The following JDP2 variants were observed in gnomAD, a reference collection of about 807,000 sequenced individuals.
JDP2 encodes the protein Jun dimerization protein 2.
Under a neutral mutation model 17.1 loss-of-function variants are expected in JDP2, and 9 were observed. That is an observed-to-expected ratio of 0.53 (90% CI 0.32 to 0.92). The LOEUF is 0.92. JDP2 is among the 40% of genes least tolerant of loss of function. The pLI is 0.04. For missense variants in JDP2, 179 were observed against 220.0 expected (o/e 0.81, Z 1.18); for synonymous variants, 107 against 95.6 (o/e 1.12, Z -0.69).
At chr14:75,450,914 C>T (rs914101294) in intron 2 of JDP2, among the ~76,000 whole-genome samples, 2 of 152,186 alleles carry the variant, frequency 1.3e-5, no homozygotes, top group African/African-American at 2.4e-5. Flanking sequence ...CCTCAGCCTA[C>T]AGGGTGTGAA....
chr14:75,429,531 C>G (rs747717167), intron 1 of JDP2, among the ~76,000 whole-genome samples: 5 of 152,156 alleles, frequency 3.3e-5, no homozygotes, highest in African/African-American at 4.8e-5. Flanking sequence ...TCCCTTCCCC[C>G]CAACCTTCCT....
At chr14:75,438,305 A>G (rs1885173217) in intron 2 of JDP2, among the ~76,000 whole-genome samples, 184 bp downstream of exon 2, 1 of 152,142 alleles carries the variant, frequency 6.6e-6, no homozygotes. Context: ...CATCTTAACA[A>G]GATCCCCCAG....
At position 75,460,572 on chromosome 14, in the gene JDP2, G is replaced by GA. The variant is rs141228268; in HGVS notation, c.202-850dup. 4.7e-3 allele frequency among the ~76,000 whole-genome samples: 710 copies of GA among 152,318 alleles called. 7 individuals are homozygous for GA. Among genetic ancestry groups the GA allele is most frequent in the African/African-American group, 0.016 (677 of 41,562 alleles). ...GAAGTGCCTGGGAACCACTGGCCTG[G>GA]AAAATTGTACCCAGAGGGCTTGGGC... On this transcript the variant is annotated intron_variant, in intron 2 of 3. Transcript: ENST00000651602.
chr14:75,432,443 C>A, intron 1 of JDP2: 2 of 1,054,018 alleles, frequency 1.9e-6, no homozygotes, highest in Non-Finnish European at 1.4e-6. Flanking sequence ...CTCTGGCTCC[C>A]AAGGTCCCCC....
At chr14:75,461,745 C>G (rs1479368785) in intron 3 of JDP2, among the ~76,000 whole-genome samples, 1 of 152,194 alleles carries the variant, frequency 6.6e-6, no homozygotes, top group African/African-American at 2.4e-5. Flanking sequence ...TTCCTGCCCA[C>G]ACAACCCCTG....
intron 2 of JDP2, among the ~76,000 whole-genome samples, chr14:75,454,829 G>C (rs1886030656): frequency 6.6e-6 from 1 of 151,968 alleles, no homozygotes; most frequent in Admixed American, 6.6e-5. Flanking sequence ...AGAGGAGGGC[G>C]ATGTAGTGGA....
At position 75,437,884 on chromosome 14, in the gene JDP2, C is replaced by A; in HGVS notation, c.-23-14C>A. 6.4e-7 allele frequency: 1 copy of A among 1,559,970 alleles called. No homozygotes were observed. The highest frequency in any genetic ancestry group is 8.7e-7 in the Non-Finnish European group (1 of 1,150,396). On this transcript the variant is annotated splice_polypyrimidine_tract_variant and intron_variant, in intron 1 of 3. Coordinates refer to ENST00000651602, the MANE Select transcript of JDP2 (RefSeq NM_001135048.2). Reference sequence around the variant, plus strand: ...ACCTGGCTGACTGTCCTGCTCTTTTCCTGCCCACTCCAGGCTGGCCTGCCA... The same window carrying A: ...ACCTGGCTGACTGTCCTGCTCTTTTACTGCCCACTCCAGGCTGGCCTGCCA...
In JDP2 at chr14:75,432,095, C is replaced by G. The variant is rs187953917; in HGVS notation, c.-24+3843C>G. The G allele has an allele frequency of 1.9e-3, 1,084 of 577,658 alleles. 7 individuals are homozygous for G. Among genetic ancestry groups the G allele is most frequent in the African/African-American group, 0.016 (865 of 53,430 alleles). The allele number at this position is 577,658 out of a possible 1,614,324, so 35.8% of individuals were successfully genotyped here. The stretch of plus-strand genomic sequence containing the variant: ...TGGCTCCAAAACCGCCACTCTTAAC[C>G]CCCCCTTCCTCTTGGCCTGCAGAGC... On this transcript the variant is annotated intron_variant, in intron 1 of 3. Coordinates refer to ENST00000651602, the MANE Select transcript of JDP2 (RefSeq NM_001135048.2).
At chr14:75,454,465 G>A (rs3784016) in intron 2 of JDP2, among the ~76,000 whole-genome samples, 9,015 of 152,256 alleles carry the variant, frequency 0.059, 534 homozygotes, top group African/African-American at 0.15. Flanking sequence ...CAAATTAAAT[G>A]TAGTTAATTT....
chr14:75,438,215 C>A, intron 2 of JDP2, 94 bp downstream of exon 2: 1 of 965,560 alleles, frequency 1.0e-6, no homozygotes, highest in South Asian at 1.6e-5. Context: ...GTCTGAGGAC[C>A]AGTATCATCC....
chr14:75,449,119 G>A (rs1045367979), intron 2 of JDP2, among the ~76,000 whole-genome samples: 2 of 152,160 alleles, frequency 1.3e-5, no homozygotes, highest in African/African-American at 4.8e-5. Flanking sequence ...TCTGTGCCTT[G>A]TGCTTGAAAG....
At chr14:75,464,725 A>G (rs899918184) in intron 3 of JDP2, among the ~76,000 whole-genome samples, 1 of 152,184 alleles carries the variant, frequency 6.6e-6, no homozygotes, top group Non-Finnish European at 1.5e-5. Context: ...TCTTAACTGC[A>G]TCTCAGAGTT....
Position 75,469,307 on chromosome 14 carries a change from A to T in JDP2, c.324A>T (p.Glu108Asp). The T allele has an allele frequency of 6.2e-7, 1 of 1,614,068 alleles. No individual in the cohort carries two copies. Among genetic ancestry groups the T allele is most frequent in the Non-Finnish European group, 8.5e-7 (1 of 1,179,968 alleles). ...GTATACAGGAATCCGAGCGGCTGGA[A>T]CTCATGAACGCAGAGCTGAAGACCC... ...EFLQRESERL[E>D]LMNAELKTQI... The change falls in exon 4 of 4, where the codon GAA becomes GAT. Residue 108 changes from glutamate (E) to aspartate (D), a missense_variant. Transcript: ENST00000651602.
intron 1 of JDP2, among the ~76,000 whole-genome samples, chr14:75,433,711 A>G (rs569796297): frequency 6.6e-6 from 1 of 151,956 alleles, no homozygotes; most frequent in Non-Finnish European, 1.5e-5. Flanking sequence ...CTTGCTAGTC[A>G]GTCGCCATCT....
chr14:75,434,523 C>T (rs1884972215), intron 1 of JDP2, among the ~76,000 whole-genome samples: 1 of 152,076 alleles, frequency 6.6e-6, no homozygotes, highest in South Asian at 2.1e-4. Context: ...GATTCACAGG[C>T]GAGCAGAAAT....
intron 2 of JDP2, among the ~76,000 whole-genome samples, chr14:75,450,074 GT>G (rs1264545401): frequency 6.6e-6 from 1 of 152,160 alleles, no homozygotes; most frequent in Non-Finnish European, 1.5e-5. Flanking sequence ...GCAAAAGAAG[GT>G]TTTTACTATG....
At chr14:75,447,789 C>G (rs1215426684) in intron 2 of JDP2, among the ~76,000 whole-genome samples, 2 of 152,128 alleles carry the variant, frequency 1.3e-5, no homozygotes, top group East Asian at 3.9e-4. Flanking sequence ...TCCTGAATAG[C>G]TGGGATTACA....
rs949808838 is a variant in JDP2, at chr14:75,472,073, A to G, written c.*2598A>G. On this transcript the variant is annotated 3_prime_UTR_variant, in exon 4 of 4. Transcript: ENST00000651602. ...CACACCAGTGACTTGTGCTGTGCGG[A>G]GCCTTCCTCACCAGGACCACTGGCT... 1 of 151,950 alleles carries G rather than the reference A, an allele frequency of 6.6e-6. No homozygotes were observed. Among genetic ancestry groups the G allele is most frequent in the Non-Finnish European group, 1.5e-5 (1 of 68,014 alleles). The allele number at this position is 151,950 out of a possible 1,614,324, so 9.4% of individuals were successfully genotyped here. A position where few individuals can be genotyped will look rare whatever the true frequency, so the allele number is the denominator to read the frequency against.
chr14:75,460,628 TG>T (rs1454967931), intron 2 of JDP2, among the ~76,000 whole-genome samples: 1 of 152,210 alleles, frequency 6.6e-6, no homozygotes. Flanking sequence ...CACCGCCCGT[TG>T]GGTGCCACCT....
Sources: allele counts gnomAD v4.1 joint callset (sites outside exome capture counted in the v4.1 genomes callset), GRCh38; gene constraint gnomAD v4.1.1; transcripts MANE v1.5; gene names NCBI Gene and HGNC (gene_info 2026-07-23, HGNC 2026-07-21).